ANKRD36: variants seen among roughly 807,000 people sequenced by gnomAD.
The protein encoded by ANKRD36 is ankyrin repeat domain-containing protein 36A.
In ANKRD36, 179 loss-of-function variants were observed where a neutral mutation model predicts 278.1. That is an observed-to-expected ratio of 0.64 (90% CI 0.57 to 0.73). ANKRD36 has a LOEUF of 0.73. Among genes scored for constraint, ANKRD36 ranks in the 30% least tolerant of loss-of-function variants. The probability of loss-of-function intolerance (pLI) is 0.00; values close to 1 mark genes in which losing one functional copy is unlikely to be tolerated. For synonymous variants in ANKRD36, 320 were observed against 641.1 expected (o/e 0.50, Z 7.57); for missense variants, 1,159 against 1,956.7 (o/e 0.59, Z 7.69).
intron 28 of ANKRD36, 24 bp from the exon 29 acceptor site, chr2:97,185,292 T>C (rs1022621307): frequency 6.3e-7 from 1 of 1,590,700 alleles, no homozygotes; most frequent in African/African-American, 1.3e-5. Flanking sequence ...ATATGAGTGA[T>C]TATGTATCCC....
intron 6 of ANKRD36, among the ~76,000 whole-genome samples, chr2:97,128,948 T>TA (rs1327251409): frequency 1.4e-4 from 22 of 152,104 alleles, no homozygotes; most frequent in African/African-American, 5.1e-4. Flanking sequence ...CATGTGTCTT[T>TA]ATAGCAGCAT....
intron 58 of ANKRD36, among the ~76,000 whole-genome samples, chr2:97,212,351 G>A (rs2153631156): frequency 6.6e-6 from 1 of 152,008 alleles, no homozygotes; most frequent in South Asian, 2.1e-4. Context: ...CTAGAAGCAG[G>A]AAACTATGCT....
chr2:97,226,152 G>T (rs1272046017), intron 67 of ANKRD36, among the ~76,000 whole-genome samples: 1 of 151,580 alleles, frequency 6.6e-6, no homozygotes, highest in African/African-American at 2.4e-5. Context: ...TAATGGGATG[G>T]CAGGGTCAAA....
At chr2:97,193,136 C>T (rs538707110) in intron 38 of ANKRD36, 83 bp downstream of exon 38, 119 of 1,300,578 alleles carry the variant, frequency 9.1e-5, no homozygotes, top group Non-Finnish European at 1.1e-4. Context: ...GCGGGGGGCT[C>T]GTTGAAGCTG....
intron 64 of ANKRD36, among the ~76,000 whole-genome samples, chr2:97,217,955 C>T (rs1344391673): frequency 1.3e-5 from 2 of 152,038 alleles, no homozygotes; most frequent in South Asian, 2.1e-4. Context: ...ATTTGCATAC[C>T]GGATCATCTG....
At position 97,200,320 on chromosome 2, in the gene ANKRD36, CT is replaced by C; in HGVS notation, c.2756-10del. The C allele has an allele frequency of 6.2e-7, 1 of 1,607,368 alleles. No individual in the cohort carries two copies. The highest frequency in any genetic ancestry group is 8.5e-7 in the Non-Finnish European group (1 of 1,178,612). On this transcript the variant is annotated splice_polypyrimidine_tract_variant and intron_variant, in intron 44 of 75. Transcript: ENST00000420699. ...TTTACATGTGAGTGATTATGTATCC[CT>C]TTTGCTTTTCAGTGTCTTCTCGGAA...
intron 58 of ANKRD36, chr2:97,213,035 A>G (rs2065084568): frequency 6.3e-6 from 3 of 479,842 alleles, no homozygotes; most frequent in Admixed American, 7.4e-5. Flanking sequence ...AATCCTTCTG[A>G]TTTCTTGCAT....
At chr2:97,198,977 AAG>A (rs1157912404) in intron 44 of ANKRD36, among the ~76,000 whole-genome samples, 1 of 151,862 alleles carries the variant, frequency 6.6e-6, no homozygotes, top group Non-Finnish European at 1.5e-5. Context: ...TGGAAGGAGA[AAG>A]AGAGGAAGTA....
chr2:97,230,621 A>C lies in ANKRD36; in HGVS notation c.3952-3109A>C, dbSNP rs200971801. Among the ~76,000 whole-genome samples, 1,025 of 152,134 alleles carry C rather than the reference A, an allele frequency of 6.7e-3. 92 individuals carry two copies. In the East Asian group the frequency reaches 0.11, roughly 17 times the overall value. The stretch of plus-strand genomic sequence containing the variant: ...AGCTCAGAGTAGTTTGATCGTCTGA[A>C]GCCTTCTTCTCTCAACTCGTCAAAG... On this transcript the variant is annotated intron_variant, in intron 67 of 75. Coordinates refer to ENST00000420699, the MANE Select transcript of ANKRD36 (RefSeq NM_001354587.1).
intron 6 of ANKRD36, among the ~76,000 whole-genome samples, chr2:97,128,476 T>C (rs1477777051): frequency 6.6e-6 from 1 of 151,422 alleles, no homozygotes; most frequent in African/African-American, 2.4e-5. Context: ...TAGATTTAAC[T>C]TTTAAAAGCT....
chr2:97,217,381 G>A lies in ANKRD36; in HGVS notation c.3775+9G>A, dbSNP rs1180232217. On this transcript the variant is annotated intron_variant, in intron 64 of 75. Transcript: ENST00000420699. ...TTGGAAATCTGGAACAGGTAATTTA[G>A]CAATATACATTTAATGTCATGTGCA... 3.9e-6 allele frequency: 6 copies of A among 1,550,212 alleles called. No homozygotes were observed. Among genetic ancestry groups the A allele is most frequent in the Non-Finnish European group, 4.4e-6 (5 of 1,147,758 alleles).
intron 75 of ANKRD36, among the ~76,000 whole-genome samples, chr2:97,258,775 T>G (rs1432995491): frequency 2.4e-3 from 283 of 117,862 alleles, no homozygotes; most frequent in African/African-American, 8.2e-3. Context: ...GTATTTCTTG[T>G]TTTTTTGCTG....
Position 97,207,960 on chromosome 2 carries a change from T to G in ANKRD36, c.3219T>G (p.Val1073=). Residue 1073 remains valine (V), a synonymous_variant, in exon 54 of 76, where the codon GTT becomes GTG. Transcript: ENST00000420699. ...LKATSAEKDS[V]LNIARGKKYG... ...CTACAAGTGCCGAGAAAGATTCTGTTTTGAATATAGCCAGAGGAAAAAAGT... is the reference window on the plus strand; with the variant it reads ...CTACAAGTGCCGAGAAAGATTCTGTGTTGAATATAGCCAGAGGAAAAAAGT... 1 of 1,526,690 alleles carries G rather than the reference T, an allele frequency of 6.6e-7. No homozygotes were observed. Among genetic ancestry groups the G allele is most frequent in the Non-Finnish European group, 8.8e-7 (1 of 1,134,530 alleles). 94.6% of individuals were successfully genotyped at this position (1,526,690 alleles called of 1,614,324 possible). A position where few individuals can be genotyped will look rare whatever the true frequency, so the allele number is the denominator to read the frequency against.
In ANKRD36 at chr2:97,185,857, G is replaced by A. The variant is rs891420143; in HGVS notation, c.2041+347G>A. 5.3e-5 allele frequency among the ~76,000 whole-genome samples: 8 copies of A among 151,724 alleles called. 1 individual carries two copies. Among genetic ancestry groups the A allele is most frequent in the South Asian group, 4.2e-4 (2 of 4,780 alleles). Reference sequence around the variant, plus strand: ...GAGTTGAAGTATAGATTTTACAGACGTCACATCTTATTGCTAAAAACAGAT... The same window carrying A: ...GAGTTGAAGTATAGATTTTACAGACATCACATCTTATTGCTAAAAACAGAT... On this transcript the variant is annotated intron_variant, in intron 30 of 75. Coordinates refer to ENST00000420699, the MANE Select transcript of ANKRD36 (RefSeq NM_001354587.1).
intron 6 of ANKRD36, among the ~76,000 whole-genome samples, chr2:97,132,827 C>A (rs2040516393): frequency 6.6e-6 from 1 of 152,016 alleles, no homozygotes; most frequent in South Asian, 2.1e-4. Context: ...TGTGGAGTTA[C>A]CAGGATGTGC....
intron 1 of ANKRD36, among the ~76,000 whole-genome samples, chr2:97,116,297 A>G (rs1016434316): frequency 3.3e-5 from 5 of 152,076 alleles, no homozygotes; most frequent in Non-Finnish European, 5.9e-5. Flanking sequence ...TATTTTTGAG[A>G]TGGAGTCTCA....
Position 97,211,546 on chromosome 2 carries a change from T to A in ANKRD36, c.3368T>A (p.Val1123Glu), listed in dbSNP as rs529379805. Residue 1123 changes from valine (V) to glutamate (E), a missense_variant and splice_region_variant, in exon 57 of 76, where the codon GTG becomes GAG. Coordinates refer to ENST00000420699, the MANE Select transcript of ANKRD36 (RefSeq NM_001354587.1). ...EKKDGEKSRT[V>E]SSPKQPALKA... ...ATTATGTATCCCTTTTGCTTTTCAG[T>A]GTCTTCTCCGAAACAACCAGCATTG... The A allele has an allele frequency of 1.5e-4, 245 of 1,606,356 alleles. 1 individual carries two copies. The highest frequency in any genetic ancestry group is 1.2e-3 in the Middle Eastern group (7 of 5,934).
chr2:97,126,524 T>A (rs1261229456), intron 5 of ANKRD36, among the ~76,000 whole-genome samples: 1 of 151,942 alleles, frequency 6.6e-6, no homozygotes, highest in Non-Finnish European at 1.5e-5. Flanking sequence ...AATTAGGACT[T>A]AACATTTTTC....
rs13408381 is a variant in ANKRD36, at chr2:97,152,236, C to G, written c.1163-268C>G. Among the ~76,000 whole-genome samples, 1,181 of 146,378 alleles carry G rather than the reference C, an allele frequency of 8.1e-3. 38 individuals carry two copies. The highest frequency in any genetic ancestry group is 0.025 in the African/African-American group (1,040 of 41,194). On this transcript the variant is annotated intron_variant, in intron 13 of 75. Coordinates refer to ENST00000420699, the MANE Select transcript of ANKRD36 (RefSeq NM_001354587.1). ...TCAAACTTTTGACCTCAAGTGATTC[C>G]CCTGCCTAGGCCTCCCAAGCTGCTA...
Sources: gnomAD v4.1 joint callset for allele counts (sites outside exome capture counted in the v4.1 genomes callset) on GRCh38, gnomAD v4.1.1 for gene constraint, MANE v1.5 for transcripts, NCBI Gene and HGNC (gene_info 2026-07-23, HGNC 2026-07-21) for gene names.